Variants in HCN1 observed in about 807,000 individuals in gnomAD.
HCN1 encodes the protein potassium/sodium hyperpolarization-activated cyclic nucleotide-gated channel 1.
A neutral mutation model predicts 78.9 loss-of-function variants in HCN1; 13 were observed. The observed-to-expected ratio is 0.16, with a 90% CI of 0.11 to 0.26. The LOEUF (loss-of-function observed/expected upper bound fraction) is 0.26, where lower values mean the gene tolerates loss of function less well. Among genes scored for constraint, HCN1 ranks in the 10% least tolerant of loss-of-function variants. The pLI is 1.00. For synonymous variants in HCN1, 552 were observed against 455.5 expected (o/e 1.21, Z -2.70); for missense variants, 810 against 1,154.3 (o/e 0.70, Z 4.32).
intron 2 of HCN1, chr5:45,558,837 T>C (rs1743533979): frequency 6.6e-6 from 1 of 151,780 alleles, no homozygotes; most frequent in Non-Finnish European, 1.5e-5. Context: ...GGCATTATCA[T>C]AGCTTATAAG....
At chr5:45,285,908 C>A (rs1221276595) in intron 6 of HCN1, among the ~76,000 whole-genome samples, 1 of 151,900 alleles carries the variant, frequency 6.6e-6, no homozygotes, top group Non-Finnish European at 1.5e-5. Flanking sequence ...ATAAACAAAT[C>A]ATCAGATGTT....
At chr5:45,611,494 A>T (rs1403438372) in intron 2 of HCN1, among the ~76,000 whole-genome samples, 3 of 149,668 alleles carry the variant, frequency 2.0e-5, no homozygotes, top group African/African-American at 7.4e-5. Flanking sequence ...CTGGTCTTGA[A>T]CTCCTGAGCT....
intron 1 of HCN1, among the ~76,000 whole-genome samples, chr5:45,665,708 A>G (rs1311489092): frequency 6.6e-6 from 1 of 152,082 alleles, no homozygotes; most frequent in Non-Finnish European, 1.5e-5. Flanking sequence ...ACTAACTCAA[A>G]AGTCATTATT....
chr5:45,460,861 G>A (rs1156786581), intron 3 of HCN1, among the ~76,000 whole-genome samples: 1 of 151,294 alleles, frequency 6.6e-6, no homozygotes, highest in Non-Finnish European at 1.5e-5. Context: ...AATCTTTGGT[G>A]TCCATGTAAT....
intron 2 of HCN1, among the ~76,000 whole-genome samples, chr5:45,522,653 T>C (rs2111782494): frequency 6.6e-6 from 1 of 151,860 alleles, no homozygotes; most frequent in East Asian, 1.9e-4. Flanking sequence ...ATAGCTTTTA[T>C]TTTGCACTAA....
intron 5 of HCN1, among the ~76,000 whole-genome samples, chr5:45,309,478 T>A (rs184544606): frequency 1.7e-4 from 26 of 152,312 alleles, no homozygotes; most frequent in Admixed American, 1.7e-3. Context: ...CTTTTGCCTA[T>A]TCAGTATGAT....
At chr5:45,281,948 C>T (rs1745178433) in intron 6 of HCN1, among the ~76,000 whole-genome samples, 1 of 152,068 alleles carries the variant, frequency 6.6e-6, no homozygotes, top group Non-Finnish European at 1.5e-5. Flanking sequence ...AAAAGATTCA[C>T]ATACAAAGAT....
At chr5:45,665,989 T>A (rs1746040996) in intron 1 of HCN1, among the ~76,000 whole-genome samples, 2 of 152,012 alleles carry the variant, frequency 1.3e-5, no homozygotes, top group Non-Finnish European at 2.9e-5. Context: ...CCGCTCCCTG[T>A]AAGTACTTGT....
chr5:45,321,329 T>C (rs918161024), intron 5 of HCN1, among the ~76,000 whole-genome samples: 1 of 151,846 alleles, frequency 6.6e-6, no homozygotes, highest in Non-Finnish European at 1.5e-5. Context: ...ACAATAAACT[T>C]AAATTTTGTT....
At chr5:45,390,991 C>T (rs747276500) in intron 4 of HCN1, among the ~76,000 whole-genome samples, 7 of 152,098 alleles carry the variant, frequency 4.6e-5, no homozygotes, top group Non-Finnish European at 7.4e-5. Context: ...GGATCTCCCT[C>T]GCCTGAGAAC....
intron 2 of HCN1, among the ~76,000 whole-genome samples, chr5:45,593,502 C>T (rs959478813): frequency 1.4e-4 from 22 of 151,994 alleles, no homozygotes; most frequent in African/African-American, 5.3e-4. Context: ...AACACCTGGG[C>T]AGAGTTCCAA....
At chr5:45,548,317 A>G (rs1743274261) in intron 2 of HCN1, among the ~76,000 whole-genome samples, 1 of 151,944 alleles carries the variant, frequency 6.6e-6, no homozygotes, top group African/African-American at 2.4e-5. Context: ...ACTTTATGTA[A>G]ATGAGTTTTC....
chr5:45,558,563 A>G (rs1212389283), intron 2 of HCN1: 2 of 152,116 alleles, frequency 1.3e-5, no homozygotes, highest in East Asian at 3.9e-4. Context: ...GTAGAGAGAA[A>G]TCAATGTCTG....
rs117726848 is a variant in HCN1, at chr5:45,302,567, C to T, written c.1618+1032G>A. Among the ~76,000 whole-genome samples, 361 of 151,866 alleles carry T rather than the reference C, an allele frequency of 2.4e-3. 10 individuals carry two copies. The East Asian group carries it at 0.062, about 26-fold the overall frequency. ...AAGTCTAAAAATAAGATCAAATAGTCTTTGACCCAGTAAATCAATTTCTAG... is the reference window on the plus strand; with the variant it reads ...AAGTCTAAAAATAAGATCAAATAGTTTTTGACCCAGTAAATCAATTTCTAG... On this transcript the variant is annotated intron_variant, in intron 6 of 7. Coordinates refer to ENST00000303230, the MANE Select transcript of HCN1 (RefSeq NM_021072.4).
chr5:45,299,721 C>G (rs569664775), intron 6 of HCN1, among the ~76,000 whole-genome samples: 70 of 151,970 alleles, frequency 4.6e-4, no homozygotes, highest in Non-Finnish European at 8.3e-4. Flanking sequence ...TGAAGCCTAA[C>G]AAATATTCAA....
chr5:45,311,823 C>A (rs968337080), intron 5 of HCN1, among the ~76,000 whole-genome samples: 2 of 152,158 alleles, frequency 1.3e-5, no homozygotes, highest in Non-Finnish European at 2.9e-5. Flanking sequence ...GTACACTGGT[C>A]GCCTTGGAAC....
chr5:45,567,451 AG>A lies in HCN1; in HGVS notation c.849+77733del, dbSNP rs565221987. On this transcript the variant is annotated intron_variant, in intron 2 of 7. Transcript: ENST00000303230. ...CAGGAGTACAGAGCTGAAAGTGAAT[AG>A]CACTGAGCTGCTTACAGAGCTAAAT... Among the ~76,000 whole-genome samples, 6 of 152,204 alleles carry A rather than the reference AG, an allele frequency of 3.9e-5. No homozygotes were observed. In the South Asian group the frequency reaches 6.2e-4, roughly 16 times the overall value.
At chr5:45,506,627 G>A (rs1181727523) in intron 2 of HCN1, among the ~76,000 whole-genome samples, 9 of 151,852 alleles carry the variant, frequency 5.9e-5, no homozygotes, top group South Asian at 2.1e-4. Flanking sequence ...ATTACCACTC[G>A]GATGTATTTC....
At chr5:45,678,788 T>C (rs1739645856) in intron 1 of HCN1, among the ~76,000 whole-genome samples, 1 of 152,038 alleles carries the variant, frequency 6.6e-6, no homozygotes. Context: ...TTTACATGTC[T>C]TCCTGAATAA....
Sources: gnomAD v4.1 joint callset for allele counts (sites outside exome capture counted in the v4.1 genomes callset) on GRCh38, gnomAD v4.1.1 for gene constraint, MANE v1.5 for transcripts, NCBI Gene and HGNC (gene_info 2026-07-23, HGNC 2026-07-21) for gene names.